DAPP1: variants seen among roughly 807,000 people sequenced by gnomAD.
The protein encoded by DAPP1 is dual adapter for phosphotyrosine and 3-phosphotyrosine and 3-phosphoinositide.
A neutral mutation model predicts 41.5 loss-of-function variants in DAPP1; 20 were observed. The ratio of observed to expected loss-of-function variants is 0.48; its 90% CI spans 0.34 to 0.70. The LOEUF is 0.70. DAPP1 is among the 30% of genes least tolerant of loss of function. The pLI, the probability that DAPP1 is intolerant of heterozygous loss-of-function variation, is 0.01. For synonymous variants in DAPP1, 113 were observed against 116.2 expected, an observed-to-expected ratio of 0.97 and a Z score of 0.18; for missense variants, 233 against 333.4, an observed-to-expected ratio of 0.70 and a Z score of 2.35.
intron 3 of DAPP1, among the ~76,000 whole-genome samples, chr4:99,840,855 C>A (rs1255180481): frequency 6.6e-6 from 1 of 152,106 alleles, no homozygotes; most frequent in Non-Finnish European, 1.5e-5. Flanking sequence ...TTATAAAATT[C>A]TGTTTCTATT....
intron 7 of DAPP1, 82 bp from the exon 8 acceptor site, chr4:99,865,952 T>TTATATATATAATATAA (rs1553942221): frequency 1.4e-4 from 9 of 62,640 alleles, no homozygotes; most frequent in South Asian, 6.0e-4. Context: ...ATATTATATA[T>TTATATATATAATATAA]TATATTATAT....
At chr4:99,827,430 G>T (rs1161517785) in intron 1 of DAPP1, among the ~76,000 whole-genome samples, 13 of 151,976 alleles carry the variant, frequency 8.6e-5, no homozygotes, top group African/African-American at 3.1e-4. Context: ...CTACTCGGGA[G>T]GCTGAGGCAG....
intron 7 of DAPP1, chr4:99,864,896 A>G (rs953424780): frequency 6.6e-5 from 10 of 152,196 alleles, no homozygotes; most frequent in African/African-American, 2.2e-4. Flanking sequence ...TGCCATGGCC[A>G]TCCCCAGCAG....
chr4:99,860,100 T>C (rs1724186953), intron 4 of DAPP1, among the ~76,000 whole-genome samples: 1 of 152,260 alleles, frequency 6.6e-6, no homozygotes, highest in Non-Finnish European at 1.5e-5. Context: ...GGGGCTCTTA[T>C]AAACAGCTTT....
At chr4:99,818,176 A>G (rs1451675889) in intron 1 of DAPP1, among the ~76,000 whole-genome samples, 2 of 152,234 alleles carry the variant, frequency 1.3e-5, no homozygotes, top group African/African-American at 4.8e-5. Context: ...CAAATCAGAT[A>G]AAACACCTGG....
intron 2 of DAPP1, among the ~76,000 whole-genome samples, chr4:99,839,419 G>GAT (rs1406720036): frequency 2.4e-4 from 36 of 148,284 alleles, no homozygotes; most frequent in African/African-American, 6.4e-4. Flanking sequence ...TATATATATA[G>GAT]ATATATATAT....
chr4:99,821,025 T>C (rs1238865242), intron 1 of DAPP1, among the ~76,000 whole-genome samples: 1 of 152,170 alleles, frequency 6.6e-6, no homozygotes, highest in East Asian at 1.9e-4. Flanking sequence ...AGGCAGGCAT[T>C]TTGTAGACAC....
At chr4:99,866,604 CGAG>C (rs757996182) in intron 8 of DAPP1, 8 of 765,930 alleles carry the variant, frequency 1.0e-5, no homozygotes, top group South Asian at 8.0e-5. Context: ...GTATATCTCC[CGAG>C]GAGAAGACTG....
chr4:99,828,438 CTG>C (rs976008001), intron 1 of DAPP1, among the ~76,000 whole-genome samples: 2 of 152,034 alleles, frequency 1.3e-5, no homozygotes, highest in African/African-American at 4.8e-5. Context: ...GTATTTTGTA[CTG>C]TGAGTCAATT....
chr4:99,867,919 T>C (rs1275464521), intron 8 of DAPP1, among the ~76,000 whole-genome samples, 198 bp from the exon 9 acceptor site: 1 of 152,204 alleles, frequency 6.6e-6, no homozygotes, highest in Non-Finnish European at 1.5e-5. Context: ...CACTTTACAA[T>C]ATGTGTCCTA....
At chr4:99,866,508 T>G (rs28445732) in intron 8 of DAPP1, 67,777 of 762,204 alleles carry the variant, frequency 0.089, 3,930 homozygotes, top group East Asian at 0.25. Context: ...GAAGAAAGTT[T>G]GCCAGAGGCA....
At chr4:99,830,469 CAT>C (rs2110139036) in intron 1 of DAPP1, among the ~76,000 whole-genome samples, 1 of 152,276 alleles carries the variant, frequency 6.6e-6, no homozygotes, top group South Asian at 2.1e-4. Flanking sequence ...ATTGGACATG[CAT>C]ATTAAGCCAC....
intron 4 of DAPP1, among the ~76,000 whole-genome samples, chr4:99,855,471 AC>A (rs1724013023): frequency 6.6e-6 from 1 of 152,188 alleles, no homozygotes; most frequent in South Asian, 2.1e-4. Flanking sequence ...CTTGTTACTT[AC>A]CTTCTTTTCT....
At chr4:99,867,190 A>G (rs1724491294) in intron 8 of DAPP1, among the ~76,000 whole-genome samples, 1 of 152,242 alleles carries the variant, frequency 6.6e-6, no homozygotes, top group Non-Finnish European at 1.5e-5. Context: ...TTTGAAATTC[A>G]AATAAGTATA....
At chr4:99,861,741 C>A in intron 5 of DAPP1, 116 bp downstream of exon 5, 3 of 1,218,432 alleles carry the variant, frequency 2.5e-6, no homozygotes, top group East Asian at 2.5e-5. Flanking sequence ...TCATTTTAAC[C>A]CATTTGTAAT....
chr4:99,865,931 TATA>T (rs369107901), intron 7 of DAPP1, 100 bp from the exon 8 acceptor site: 7 of 53,084 alleles, frequency 1.3e-4, no homozygotes, highest in South Asian at 3.9e-4. Flanking sequence ...ATATAATATA[TATA>T]ATATATTATA....
chr4:99,865,976 AT>A (rs1253369337), intron 7 of DAPP1, 57 bp from the exon 8 acceptor site: 1 of 164,332 alleles, frequency 6.1e-6, no homozygotes, highest in Non-Finnish European at 1.2e-5. Context: ...TTATATATAT[AT>A]ATATATATAT....
At chr4:99,844,660 C>T (rs1019361094) in intron 3 of DAPP1, 2 of 152,130 alleles carry the variant, frequency 1.3e-5, no homozygotes, top group African/African-American at 4.8e-5. Context: ...CTGTAATCAC[C>T]TAACAGGCAT....
intron 5 of DAPP1, 141 bp from the exon 6 acceptor site, chr4:99,862,869 C>A (rs1578191762): frequency 3.6e-6 from 2 of 559,894 alleles, no homozygotes. Context: ...AGAAATGACA[C>A]AAAAGAATTT....
Sources: allele counts gnomAD v4.1 joint callset (sites outside exome capture counted in the v4.1 genomes callset), GRCh38; gene constraint gnomAD v4.1.1; transcripts MANE v1.5; gene names NCBI Gene and HGNC (gene_info 2026-07-23, HGNC 2026-07-21).